The following SNX30 variants were observed in gnomAD, a reference collection of about 807,000 sequenced individuals.
The protein encoded by SNX30 is sorting nexin-30.
SNX30 carries 24 observed loss-of-function variants against 46.4 expected under a neutral mutation model. The observed-to-expected ratio is 0.52, with a 90% CI of 0.37 to 0.73. The LOEUF (loss-of-function observed/expected upper bound fraction) is 0.73, where lower values mean the gene tolerates loss of function less well. Ranked by LOEUF, SNX30 falls within the 30% of genes least tolerant of loss-of-function variation. The pLI, the probability that SNX30 is intolerant of heterozygous loss-of-function variation, is 0.00. For missense variants in SNX30, 533 were observed against 555.7 expected, an observed-to-expected ratio of 0.96 and a Z score of 0.41; for synonymous variants, 189 against 211.5, an observed-to-expected ratio of 0.89 and a Z score of 0.92.
At chr9:112,850,535 G>A (rs1168709185) in intron 6 of SNX30, among the ~76,000 whole-genome samples, 2 of 152,384 alleles carry the variant, frequency 1.3e-5, no homozygotes, top group East Asian at 3.9e-4. Context: ...TGCACACAGT[G>A]ACGCGGAGAG....
chr9:112,769,218 G>A (rs763087080), intron 1 of SNX30, among the ~76,000 whole-genome samples: 34 of 152,290 alleles, frequency 2.2e-4, no homozygotes, highest in Non-Finnish European at 4.3e-4. Context: ...GCATGTGAAG[G>A]GAGAAGGCTT....
chr9:112,770,441 G>A (rs1025753428), intron 1 of SNX30, among the ~76,000 whole-genome samples: 4 of 151,890 alleles, frequency 2.6e-5, no homozygotes, highest in Non-Finnish European at 4.4e-5. Context: ...AAAGTGCTGG[G>A]ATTACAGGTA....
chr9:112,853,948 A>G (rs552069829), intron 7 of SNX30, among the ~76,000 whole-genome samples: 3 of 152,380 alleles, frequency 2.0e-5, no homozygotes, highest in Non-Finnish European at 4.4e-5. Flanking sequence ...TGGCTAGGGA[A>G]GGAAGGAGAA....
intron 1 of SNX30, among the ~76,000 whole-genome samples, chr9:112,771,272 G>T (rs982623011): frequency 1.3e-5 from 2 of 152,160 alleles, no homozygotes; most frequent in African/African-American, 4.8e-5. Flanking sequence ...CGTGCTAAAT[G>T]CTGTGTGTAT....
At chr9:112,845,868 T>C (rs946713674) in intron 6 of SNX30, among the ~76,000 whole-genome samples, 1 of 152,034 alleles carries the variant, frequency 6.6e-6, no homozygotes, top group Non-Finnish European at 1.5e-5. Context: ...TCACCAGATA[T>C]GTAAGGGAAG....
intron 1 of SNX30, among the ~76,000 whole-genome samples, chr9:112,761,535 A>G (rs1177761962): frequency 6.6e-6 from 1 of 152,186 alleles, no homozygotes; most frequent in Non-Finnish European, 1.5e-5. Context: ...TGAAAGAGGT[A>G]AGATAGGAAG....
intron 8 of SNX30, among the ~76,000 whole-genome samples, chr9:112,866,200 C>T (rs990453819): frequency 1.1e-4 from 16 of 151,894 alleles, no homozygotes; most frequent in African/African-American, 3.6e-4. Context: ...CAAAGGAGCC[C>T]ACAGCTTCAG....
intron 1 of SNX30, among the ~76,000 whole-genome samples, chr9:112,771,277 G>A (rs1361315210): frequency 6.6e-6 from 1 of 152,196 alleles, no homozygotes; most frequent in African/African-American, 2.4e-5. Context: ...TAAATGCTGT[G>A]TGTATAAGGA....
At chr9:112,832,391 C>G (rs562166817) in intron 4 of SNX30, among the ~76,000 whole-genome samples, 135 of 149,434 alleles carry the variant, frequency 9.0e-4, no homozygotes, top group African/African-American at 2.8e-3. Context: ...AAAGCTTGGA[C>G]CCCTGGTTGT....
chr9:112,794,197 G>T (rs2131391920), intron 1 of SNX30, among the ~76,000 whole-genome samples: 1 of 151,942 alleles, frequency 6.6e-6, no homozygotes, highest in Admixed American at 6.5e-5. Flanking sequence ...TTGTCGCATA[G>T]GTTGGAGTGC....
intron 6 of SNX30, among the ~76,000 whole-genome samples, chr9:112,844,039 A>G (rs978755814): frequency 2.0e-5 from 3 of 152,124 alleles, no homozygotes; most frequent in African/African-American, 7.2e-5. Context: ...ATTGTAGAGG[A>G]TGAGAGTGGT....
rs2131521571 is a variant in SNX30 at position 112,870,921 on chromosome 9, T to A, written c.*2078T>A. ...AAACTGGAGTTACAGGAAAATGAAA[T>A]CTGACTATCTGCTAGTTGCCAAAAC... On this transcript the variant is annotated 3_prime_UTR_variant, in exon 9 of 9. Coordinates refer to ENST00000374232, the MANE Select transcript of SNX30 (RefSeq NM_001012994.2). 6.6e-6 allele frequency: 1 copy of A among 152,344 alleles called. No homozygotes were observed. Among genetic ancestry groups the A allele is most frequent in the Admixed American group, 6.5e-5 (1 of 15,308 alleles). 9.4% of individuals were successfully genotyped at this position (152,344 alleles called of 1,614,324 possible). A position where few individuals can be genotyped will look rare whatever the true frequency, so the allele number is the denominator to read the frequency against.
intron 7 of SNX30, among the ~76,000 whole-genome samples, chr9:112,857,551 T>G (rs573569809): frequency 2.6e-5 from 4 of 152,328 alleles, no homozygotes; most frequent in African/African-American, 9.6e-5. Flanking sequence ...TCCTGGAGCC[T>G]GTCCTACAGC....
intron 2 of SNX30, among the ~76,000 whole-genome samples, chr9:112,806,677 A>AGCGAT (rs1439957421): frequency 6.6e-6 from 1 of 152,240 alleles, no homozygotes; most frequent in Non-Finnish European, 1.5e-5. Flanking sequence ...AAATAAAAGA[A>AGCGAT]GCGATGCTGA....
At chr9:112,821,355 G>A (rs1362382208) in intron 3 of SNX30, among the ~76,000 whole-genome samples, 3 of 151,846 alleles carry the variant, frequency 2.0e-5, no homozygotes. Context: ...TTTAAAAATT[G>A]GGGTGCCTTT....
chr9:112,821,653 AT>A (rs1459521037), intron 3 of SNX30, among the ~76,000 whole-genome samples: 17 of 151,388 alleles, frequency 1.1e-4, no homozygotes, highest in African/African-American at 4.1e-4. Context: ...TGCCTGGCTA[AT>A]TTTTTGTATT....
Position 112,868,980 on chromosome 9 carries a change from C to T in SNX30, c.*137C>T, listed in dbSNP as rs181908830. ...CTCTCCTTTGTGTATTTTTCCCTCC[C>T]CCACCTTTCACCCCACAGTGGTTTT... On this transcript the variant is annotated 3_prime_UTR_variant, in exon 9 of 9. Transcript: ENST00000374232. The T allele has an allele frequency of 7.1e-5, 59 of 830,502 alleles. No homozygotes were observed. Among genetic ancestry groups the T allele is most frequent in the Middle Eastern group, 3.5e-4 (1 of 2,882 alleles). 51.4% of individuals were successfully genotyped at this position (830,502 alleles called of 1,614,324 possible). A position where few individuals can be genotyped will look rare whatever the true frequency, so the allele number is the denominator to read the frequency against.
intron 8 of SNX30, among the ~76,000 whole-genome samples, chr9:112,865,500 TC>T (rs1173775643): frequency 6.6e-6 from 1 of 151,274 alleles, no homozygotes; most frequent in Admixed American, 6.6e-5. Context: ...TGCCTATAGT[TC>T]CAGCTACTCG....
intron 8 of SNX30, 23 bp from the exon 9 acceptor site, chr9:112,868,759 CTG>C (rs771289619): frequency 2.5e-6 from 4 of 1,613,672 alleles, no homozygotes; most frequent in South Asian, 1.1e-5. Context: ...AAAGCTGATA[CTG>C]TGTGTGTATG....
Sources: gnomAD v4.1 joint callset for allele counts (sites outside exome capture counted in the v4.1 genomes callset) on GRCh38, gnomAD v4.1.1 for gene constraint, MANE v1.5 for transcripts, NCBI Gene and HGNC (gene_info 2026-07-23, HGNC 2026-07-21) for gene names.